The following SCHIP1 variants were observed in gnomAD, a reference collection of about 807,000 sequenced individuals.
SCHIP1 encodes the protein schwannomin-interacting protein 1.
In SCHIP1, 8 loss-of-function variants were observed where a neutral mutation model predicts 29.7. The ratio of observed to expected loss-of-function variants is 0.27; its 90% confidence interval spans 0.16 to 0.49. SCHIP1 has a LOEUF of 0.49. SCHIP1 is among the 20% of genes least tolerant of loss of function. The pLI is 0.99. For synonymous variants in SCHIP1, 76 were observed against 94.9 expected, an observed-to-expected ratio of 0.80 and a Z score of 1.16; for missense variants, 193 against 294.6, an observed-to-expected ratio of 0.66 and a Z score of 2.52.
Position 159,894,960 on chromosome 3 carries a change from G to A in SCHIP1, c.684-1763G>A, listed in dbSNP as rs75006477. Among the ~76,000 whole-genome samples the A allele has an allele frequency of 4.1e-3, 617 of 152,202 alleles. 2 individuals are homozygous for A. Among genetic ancestry groups the A allele is most frequent in the Middle Eastern group, 0.017 (5 of 294 alleles). Reference sequence around the variant, plus strand: ...TCAGAAAACCTTTTGATGTATGTGCGTGCATGTGCATAGGAGTGTGTGTGC... The same window carrying A: ...TCAGAAAACCTTTTGATGTATGTGCATGCATGTGCATAGGAGTGTGTGTGC... On this transcript the variant is annotated intron_variant, in intron 6 of 6. Transcript: ENST00000445224.
the SCHIP1 span, among the ~76,000 whole-genome samples, chr3:159,406,250 C>G: frequency 1.3e-5 from 2 of 152,116 alleles, no homozygotes; most frequent in Non-Finnish European, 2.9e-5. Context: ...TAACATACAA[C>G]GAGCTCCAAT....
chr3:159,811,361 CTT>C, the SCHIP1 span, among the ~76,000 whole-genome samples: 606 of 152,292 alleles, frequency 4.0e-3, 2 homozygotes, highest in African/African-American at 0.013. Flanking sequence ...TTTAAGAACT[CTT>C]TGTCTAACTT....
At chr3:159,543,117 GTATA>G in the SCHIP1 span, among the ~76,000 whole-genome samples, 49,177 of 147,876 alleles carry the variant, frequency 0.33, 8,220 homozygotes, top group South Asian at 0.49. Flanking sequence ...ATACATGTGT[GTATA>G]TATATATATA....
At chr3:159,853,853 T>C (rs1017518695) in intron 1 of SCHIP1, among the ~76,000 whole-genome samples, 1 of 152,256 alleles carries the variant, frequency 6.6e-6, no homozygotes, top group African/African-American at 2.4e-5. Flanking sequence ...TTATTGGCAA[T>C]GAAAAATATC....
rs1344356701 is a variant in SCHIP1, at chr3:159,861,788, G to A, written c.31-4375G>A. Among the ~76,000 whole-genome samples the A allele has an allele frequency of 6.6e-6, 1 of 152,138 alleles. No homozygotes were observed. The highest frequency in any genetic ancestry group is 1.5e-5 in the Non-Finnish European group (1 of 68,014). On this transcript the variant is annotated intron_variant, in intron 1 of 6. Transcript: ENST00000445224. This position sits in a 1 kb window ranked among gnomAD's most constrained non-coding sequence, Gnocchi z 4.1. Reference sequence around the variant, plus strand: ...ATTTCCCAAGGCTGTTTTAGGAGTGGACATGGTTCTGCCTGTCATAAGTGC... The same window carrying A: ...ATTTCCCAAGGCTGTTTTAGGAGTGAACATGGTTCTGCCTGTCATAAGTGC...
At chr3:159,606,618 G>C in the SCHIP1 span, among the ~76,000 whole-genome samples, 1 of 152,296 alleles carries the variant, frequency 6.6e-6, no homozygotes, top group Admixed American at 6.5e-5. Context: ...AAGGATGGCA[G>C]GACACCCATG....
At chr3:159,329,129 T>C in the SCHIP1 span, among the ~76,000 whole-genome samples, 1 of 152,002 alleles carries the variant, frequency 6.6e-6, no homozygotes, top group Non-Finnish European at 1.5e-5. Context: ...TGGGCCTGTG[T>C]GGATGAGTAA....
chr3:159,646,888 A>G, the SCHIP1 span, among the ~76,000 whole-genome samples: 1 of 152,038 alleles, frequency 6.6e-6, no homozygotes, highest in Non-Finnish European at 1.5e-5. Flanking sequence ...AGGAATACTA[A>G]AAGAGACCCA....
At chr3:159,416,928 T>C in the SCHIP1 span, among the ~76,000 whole-genome samples, 1 of 152,212 alleles carries the variant, frequency 6.6e-6, no homozygotes, top group Non-Finnish European at 1.5e-5. Flanking sequence ...AAGCAGCCTT[T>C]AGCTTTGTGA....
the SCHIP1 span, among the ~76,000 whole-genome samples, chr3:159,521,518 A>C: frequency 6.6e-6 from 1 of 152,226 alleles, no homozygotes; most frequent in African/African-American, 2.4e-5. Flanking sequence ...TTGCCCCTTT[A>C]GACAGGGAGT....
the SCHIP1 span, among the ~76,000 whole-genome samples, chr3:159,333,497 A>G: frequency 6.9e-6 from 1 of 145,392 alleles, no homozygotes; most frequent in African/African-American, 2.6e-5. Context: ...TAGCAATTTC[A>G]CACACATACA....
At chr3:159,555,938 G>A in the SCHIP1 span, among the ~76,000 whole-genome samples, 1 of 152,028 alleles carries the variant, frequency 6.6e-6, no homozygotes, top group East Asian at 1.9e-4. Context: ...GCTAGGGGAG[G>A]GATAGCATTA....
At chr3:159,794,008 C>G in the SCHIP1 span, among the ~76,000 whole-genome samples, 1 of 152,188 alleles carries the variant, frequency 6.6e-6, no homozygotes. Context: ...ATTCGGCCCA[C>G]CCGGGTAATT....
At chr3:159,779,578 C>CAG in the SCHIP1 span, among the ~76,000 whole-genome samples, 3 of 151,494 alleles carry the variant, frequency 2.0e-5, no homozygotes, top group African/African-American at 7.3e-5. Flanking sequence ...GAGGCTAAGG[C>CAG]AGGAGAATCA....
the SCHIP1 span, among the ~76,000 whole-genome samples, chr3:159,471,350 T>C: frequency 6.6e-6 from 1 of 152,144 alleles, no homozygotes; most frequent in Non-Finnish European, 1.5e-5. Flanking sequence ...AAAAGCGGCC[T>C]AACCAAAATG....
At chr3:159,730,873 T>C in the SCHIP1 span, among the ~76,000 whole-genome samples, 1 of 152,186 alleles carries the variant, frequency 6.6e-6, no homozygotes, top group South Asian at 2.1e-4. Context: ...CTAGACATCA[T>C]ACAAAAACCC....
chr3:159,436,772 T>TA, the SCHIP1 span, among the ~76,000 whole-genome samples: 4 of 152,094 alleles, frequency 2.6e-5, no homozygotes, highest in Non-Finnish European at 1.5e-5. Flanking sequence ...AGGTGTCAGG[T>TA]ACAATTGAGC....
the SCHIP1 span, chr3:159,764,976 TG>T: frequency 6.7e-7 from 1 of 1,500,954 alleles, no homozygotes; most frequent in Non-Finnish European, 8.9e-7. The surrounding 1 kb of genome is among the most constrained non-coding windows in gnomAD (Gnocchi z 6.1). Context: ...GCCCGGCGGC[TG>T]GGGGGCTCTG....
the SCHIP1 span, among the ~76,000 whole-genome samples, chr3:159,422,185 A>T: frequency 6.6e-6 from 1 of 152,196 alleles, no homozygotes; most frequent in East Asian, 1.9e-4. Context: ...GCTAAGCAGA[A>T]GTCTGAGGGT....
Sources: allele counts gnomAD v4.1 joint callset (sites outside exome capture counted in the v4.1 genomes callset), GRCh38; gene constraint gnomAD v4.1.1; non-coding constraint Gnocchi (gnomAD v3.1); transcripts MANE v1.5; gene names NCBI Gene and HGNC (gene_info 2026-07-23, HGNC 2026-07-21).